TATDN2: variants seen among roughly 807,000 people sequenced by gnomAD.
The protein encoded by TATDN2 is 3'-5' RNA nuclease TATDN2.
TATDN2 carries 44 observed loss-of-function variants against 60.3 expected under a neutral mutation model. The observed-to-expected ratio is 0.73, with a 90% CI of 0.57 to 0.94. The LOEUF (loss-of-function observed/expected upper bound fraction) is 0.94. TATDN2 is among the 40% of genes least tolerant of loss of function. The pLI is 0.00. For missense variants in TATDN2, 997 were observed against 948.0 expected (o/e 1.05, Z -0.68); for synonymous variants, 399 against 355.8 (o/e 1.12, Z -1.37).
rs1433640258 is a variant in TATDN2, at chr3:10,280,359, T to C, written c.*1177T>C. 1 of 153,832 alleles carries C rather than the reference T, an allele frequency of 6.5e-6. No homozygotes were observed. The highest frequency in any genetic ancestry group is 6.5e-5 in the Admixed American group (1 of 15,288). 9.5% of individuals were successfully genotyped at this position (153,832 alleles called of 1,614,324 possible). A position where few individuals can be genotyped will look rare whatever the true frequency, so the allele number is the denominator to read the frequency against. On this transcript the variant is annotated 3_prime_UTR_variant, in exon 8 of 8. Coordinates refer to ENST00000448281, the MANE Select transcript of TATDN2 (RefSeq NM_014760.4). ...TGAGCAACTGAGTCATCTCAAGTCC[T>C]GAGCTCTGCTCTGCCGCCTGCTGGT...
intron 2 of TATDN2, among the ~76,000 whole-genome samples, chr3:10,259,160 C>T (rs536180737): frequency 5.3e-5 from 8 of 152,214 alleles, no homozygotes; most frequent in Non-Finnish European, 2.9e-5. Flanking sequence ...GCATGAGCCA[C>T]CGCGCCCCGT....
chr3:10,253,891 A>G (rs918754506), intron 2 of TATDN2, among the ~76,000 whole-genome samples: 3 of 152,240 alleles, frequency 2.0e-5, no homozygotes, highest in African/African-American at 7.2e-5. Context: ...GGGTAATATC[A>G]GATTAGTCCA....
In TATDN2 at chr3:10,249,573, G is replaced by A. The variant is rs767561474; in HGVS notation, c.373G>A (p.Glu125Lys). ...SPLRPANASLEEMASLEEEAC... is the reference protein window; with the variant it reads ...SPLRPANASLKEMASLEEEAC... The stretch of plus-strand genomic sequence containing the variant: ...TCTGCGTCCTGCCAACGCCTCTTTG[G>A]AAGAAATGGCTTCTCTAGAGGAGGA... The change falls in exon 2 of 8, where the codon GAA becomes AAA. Residue 125 changes from glutamate (E) to lysine (K), a missense_variant. By Grantham distance (56) the Glu-to-Lys change is moderately conservative. Coordinates refer to ENST00000448281, the MANE Select transcript of TATDN2 (RefSeq NM_014760.4). The A allele has an allele frequency of 6.5e-7, 1 of 1,544,644 alleles. No individual in the cohort carries two copies. Among genetic ancestry groups the A allele is most frequent in the South Asian group, 1.2e-5 (1 of 80,260 alleles).
Position 10,260,433 on chromosome 3 carries a change from A to T in TATDN2, c.711A>T (p.Ala237=). The change falls in exon 3 of 8, where the codon GCA becomes GCT. Residue 237 remains alanine (A), a synonymous_variant. Transcript: ENST00000448281. ...GACCAGCCAAGACTGCAGAAGGAGC[A>T]GCCAGGAGTGTCACAGTCACTGCTG... The part of the protein sequence containing the change: ...SEGPAKTAEG[A]ARSVTVTAAQ... The T allele has an allele frequency of 6.2e-7, 1 of 1,614,192 alleles. No homozygotes were observed. Among genetic ancestry groups the T allele is most frequent in the Non-Finnish European group, 8.5e-7 (1 of 1,180,004 alleles).
chr3:10,251,314 TTTA>T (rs1698230073), intron 2 of TATDN2, among the ~76,000 whole-genome samples: 2 of 151,934 alleles, frequency 1.3e-5, no homozygotes, highest in Admixed American at 1.3e-4. Context: ...GCAGCAAGGT[TTTA>T]GTAGCCAAGG....
intron 2 of TATDN2, 82 bp from the exon 3 acceptor site, chr3:10,260,055 C>T: frequency 6.8e-7 from 1 of 1,468,602 alleles, no homozygotes; most frequent in Non-Finnish European, 9.2e-7. Context: ...GTAGAACCAC[C>T]ACTGATTTAT....
At chr3:10,277,047 C>T (rs1448326661) in intron 5 of TATDN2, among the ~76,000 whole-genome samples, 2 of 152,066 alleles carry the variant, frequency 1.3e-5, no homozygotes, top group Non-Finnish European at 2.9e-5. Flanking sequence ...TTTGTGCCCC[C>T]ATCCTGGGGA....
chr3:10,258,622 C>G lies in TATDN2; in HGVS notation c.415-1515C>G, dbSNP rs912302303. On this transcript the variant is annotated intron_variant, in intron 2 of 7. Coordinates refer to ENST00000448281, the MANE Select transcript of TATDN2 (RefSeq NM_014760.4). ...TAAGTGGGATTACAGGTGCCCGCCACCATGCCTGGCTTAAGTTTTGTATTT... is the reference window on the plus strand; with the variant it reads ...TAAGTGGGATTACAGGTGCCCGCCAGCATGCCTGGCTTAAGTTTTGTATTT... Among the ~76,000 whole-genome samples the G allele has an allele frequency of 3.3e-5, 5 of 152,088 alleles. No homozygotes were observed. In the East Asian group the frequency reaches 9.6e-4, roughly 29 times the overall value.
At chr3:10,262,913 T>C (rs1442011758) in intron 3 of TATDN2, among the ~76,000 whole-genome samples, 1 of 152,152 alleles carries the variant, frequency 6.6e-6, no homozygotes, top group Non-Finnish European at 1.5e-5. Context: ...TATTTTCTTT[T>C]GCTTTGAGAC....
rs77945165 is a variant in TATDN2, at chr3:10,252,197, A to C, written c.414+2583A>C. On this transcript the variant is annotated intron_variant, in intron 2 of 7. Transcript: ENST00000448281. ...TTTTTTTTGTAGAGATGAAGATCTC[A>C]CTGTGTTGCCCAGGCTGGTCTCAAA... 4.3e-3 allele frequency among the ~76,000 whole-genome samples: 637 copies of C among 148,514 alleles called. 2 individuals carry two copies. Among genetic ancestry groups the C allele is most frequent in the African/African-American group, 0.015 (604 of 40,382 alleles).
In TATDN2 at chr3:10,263,707, GT is replaced by G. The variant is rs547019745; in HGVS notation, c.948+3039del. Among the ~76,000 whole-genome samples, 9 of 152,200 alleles carry G rather than the reference GT, an allele frequency of 5.9e-5. No homozygotes were observed. In the South Asian group the frequency reaches 1.7e-3, roughly 28 times the overall value. ...TTGGCTTGGTTTTAGTTTTCTTTAA[GT>G]TGCTTCTTTCCGTTTCTTTTGATCT... On this transcript the variant is annotated intron_variant, in intron 3 of 7. Coordinates refer to ENST00000448281, the MANE Select transcript of TATDN2 (RefSeq NM_014760.4).
At chr3:10,269,747 T>C (rs2125178817) in intron 3 of TATDN2, among the ~76,000 whole-genome samples, 1 of 152,234 alleles carries the variant, frequency 6.6e-6, no homozygotes, top group Non-Finnish European at 1.5e-5. Context: ...ACATTTTGAA[T>C]ATATTGACGA....
In TATDN2 at chr3:10,260,554, G is replaced by T; in HGVS notation, c.832G>T (p.Asp278Tyr). The T allele has an allele frequency of 1.9e-6, 3 of 1,614,180 alleles. No individual in the cohort carries two copies. Among genetic ancestry groups the T allele is most frequent in the Non-Finnish European group, 2.5e-6 (3 of 1,180,036 alleles). The change falls in exon 3 of 8, where the codon GAC (aspartate) becomes TAC (tyrosine). Residue 278 changes from aspartate to tyrosine, a missense_variant. Physicochemically the swap from Asp to Tyr is radical, Grantham distance 160. Transcript: ENST00000448281. ...SSFYDRRVVI[D>Y]PQEKPSEEPL... Reference sequence around the variant, plus strand: ...CTTCTATGACAGGAGAGTAGTTATAGACCCTCAAGAGAAACCCAGTGAGGA... The same window carrying T: ...CTTCTATGACAGGAGAGTAGTTATATACCCTCAAGAGAAACCCAGTGAGGA...
chr3:10,258,788 A>C (rs377245898), intron 2 of TATDN2, among the ~76,000 whole-genome samples: 2 of 151,694 alleles, frequency 1.3e-5, no homozygotes, highest in Admixed American at 6.6e-5. Flanking sequence ...GTCTCTTTCT[A>C]CTTCCCTGCA....
At position 10,259,857 on chromosome 3, in the gene TATDN2, A is replaced by G. The variant is rs1457983276; in HGVS notation, c.415-280A>G. Among the ~76,000 whole-genome samples, 6 of 152,236 alleles carry G rather than the reference A, an allele frequency of 3.9e-5. No homozygotes were observed. The East Asian group carries it at 1.2e-3, about 29-fold the overall frequency. Reference sequence around the variant, plus strand: ...TGAAGTGTAGTCCTTGCCTTCCAGGAGCTTGCAGTCTGGTTTAATGAGAGT... The same window carrying G: ...TGAAGTGTAGTCCTTGCCTTCCAGGGGCTTGCAGTCTGGTTTAATGAGAGT... On this transcript the variant is annotated intron_variant, in intron 2 of 7. Transcript: ENST00000448281.
chr3:10,264,969 C>T (rs1172747123), intron 3 of TATDN2, among the ~76,000 whole-genome samples: 12 of 148,908 alleles, frequency 8.1e-5, no homozygotes, highest in African/African-American at 2.5e-5. Context: ...AGCCACCGCG[C>T]CTGGCTCAAG....
intron 2 of TATDN2, among the ~76,000 whole-genome samples, chr3:10,253,593 C>T (rs1341086424): frequency 1.3e-5 from 2 of 152,136 alleles, no homozygotes; most frequent in African/African-American, 2.4e-5. Flanking sequence ...ACTATGACAT[C>T]TAAATGTCTA....
chr3:10,261,337 T>C (rs1698399273), intron 3 of TATDN2, among the ~76,000 whole-genome samples: 2 of 151,614 alleles, frequency 1.3e-5, no homozygotes, highest in South Asian at 4.2e-4. Context: ...TAGCTTATAA[T>C]TGAGGGGAAG....
chr3:10,261,365 C>CTTTTTTTTTTTTTTT (rs58599009), intron 3 of TATDN2, among the ~76,000 whole-genome samples: 1 of 134,036 alleles, frequency 7.5e-6, no homozygotes, highest in African/African-American at 2.8e-5. Flanking sequence ...CCATCTTTTT[C>CTTTTTTTTTTTTTTT]TTTTTTTTTT....
Sources: allele counts gnomAD v4.1 joint callset (sites outside exome capture counted in the v4.1 genomes callset), GRCh38; gene constraint gnomAD v4.1.1; transcripts MANE v1.5; gene names NCBI Gene and HGNC (gene_info 2026-07-23, HGNC 2026-07-21).